Variants in SLC4A4 observed in about 807,000 individuals in gnomAD.
SLC4A4 encodes solute carrier family 4 member 4, also known as electrogenic sodium bicarbonate cotransporter 1.
Under a neutral mutation model 111.5 loss-of-function variants are expected in SLC4A4, and 27 were observed. The ratio of observed to expected loss-of-function variants is 0.24; its 90% CI spans 0.18 to 0.33. The LOEUF is 0.33. Among genes scored for constraint, SLC4A4 ranks in the 10% least tolerant of loss-of-function variants. SLC4A4 has a pLI of 1.00. For missense variants in SLC4A4, 909 were observed against 1,315.5 expected (o/e 0.69, Z 4.78); for synonymous variants, 443 against 463.4 (o/e 0.96, Z 0.57).
At position 71,114,075 on chromosome 4, in the gene SLC4A4, G is replaced by A. The variant is rs190197135; in HGVS notation, c.-2+21283G>A. 6.9e-3 allele frequency among the ~76,000 whole-genome samples: 1,056 copies of A among 152,130 alleles called. 5 individuals are homozygous for A. The highest frequency in any genetic ancestry group is 0.024 in the Middle Eastern group (7 of 294). ...ATTCTGGCTAACACGGTGAAACCCC[G>A]TCTCTAGTAAACATACAAAAAATTA... On this transcript the variant is annotated intron_variant, in intron 2 of 26. Transcript: ENST00000649996.
At chr4:71,079,125 AAC>A (rs1264234656) in intron 1 of SLC4A4, among the ~76,000 whole-genome samples, 3 of 152,066 alleles carry the variant, frequency 2.0e-5, no homozygotes, top group African/African-American at 7.2e-5. Context: ...AGCCTTGTAT[AAC>A]AGTTTAACAT....
chr4:71,363,177 A>T (rs1730951978), intron 6 of SLC4A4, among the ~76,000 whole-genome samples: 1 of 152,206 alleles, frequency 6.6e-6, no homozygotes, highest in Non-Finnish European at 1.5e-5. Context: ...CTACAGTAAC[A>T]GATAGGTGGT....
intron 1 of SLC4A4, among the ~76,000 whole-genome samples, chr4:71,089,215 C>T (rs1414338638): frequency 6.6e-6 from 1 of 152,054 alleles, no homozygotes; most frequent in Non-Finnish European, 1.5e-5. Flanking sequence ...GTGCATTCGT[C>T]ACATAGTTTT....
rs551861700 is a variant in SLC4A4, at chr4:71,135,231, A to C, written c.-2+42439A>C. On this transcript the variant is annotated intron_variant, in intron 2 of 26. Transcript: ENST00000649996. ...TGAACTGTATATAGTGGAATGGCTAAATTGAGCTAATTAACATATGTATTA... is the reference window on the plus strand; with the variant it reads ...TGAACTGTATATAGTGGAATGGCTACATTGAGCTAATTAACATATGTATTA... 1.3e-3 allele frequency among the ~76,000 whole-genome samples: 199 copies of C among 152,242 alleles called. 1 individual carries two copies. The highest frequency in any genetic ancestry group is 4.7e-3 in the African/African-American group (194 of 41,540).
At chr4:71,468,470 T>C (rs935043630) in intron 13 of SLC4A4, among the ~76,000 whole-genome samples, 7 of 152,042 alleles carry the variant, frequency 4.6e-5, no homozygotes, top group African/African-American at 1.7e-4. Context: ...CTCCCTTTTT[T>C]TTCTATCATA....
In SLC4A4 at chr4:71,151,709, G is replaced by A. The variant is rs968242999; in HGVS notation, c.-2+58917G>A. ...TGAGGCGGGAGGATCACTTGACCCC[G>A]GGAGTTCAAGGCTAGCTTGGGCAAC... is the stretch of plus-strand genomic sequence containing the variant. On this transcript the variant is annotated intron_variant, in intron 2 of 26. Transcript: ENST00000649996. 6.0e-5 allele frequency among the ~76,000 whole-genome samples: 9 copies of A among 150,820 alleles called. 1 individual carries two copies. The East Asian group carries it at 7.8e-4, about 13-fold the overall frequency.
chr4:71,466,892 C>G (rs1439996847), intron 13 of SLC4A4, among the ~76,000 whole-genome samples: 1 of 147,338 alleles, frequency 6.8e-6, no homozygotes, highest in Non-Finnish European at 1.5e-5. Context: ...TTCTGGCTTC[C>G]TCTTGGGTTT....
chr4:71,452,575 A>T (rs967743023), intron 11 of SLC4A4, among the ~76,000 whole-genome samples: 5 of 152,142 alleles, frequency 3.3e-5, no homozygotes, highest in African/African-American at 1.2e-4. Flanking sequence ...GGAAATATGA[A>T]CTGTAAGTGC....
intron 1 of SLC4A4, among the ~76,000 whole-genome samples, chr4:71,075,698 G>A (rs1741792537): frequency 6.6e-6 from 1 of 152,016 alleles, no homozygotes; most frequent in African/African-American, 2.4e-5. Context: ...GGCCGGGCGC[G>A]GTGGCTCACG....
intron 2 of SLC4A4, among the ~76,000 whole-genome samples, chr4:71,164,327 G>A (rs2148978856): frequency 6.6e-6 from 1 of 150,730 alleles, no homozygotes; most frequent in East Asian, 2.0e-4. Flanking sequence ...GTTGTAGGGA[G>A]CCGAGATCGT....
rs997125636 is a variant in SLC4A4, at chr4:71,426,638, A to C, written c.808-13978A>C. ...CTATTTCAAAACTGTCCCAGTGATA[A>C]ATTTTCACAAGGCTGTCTTTGATGG... On this transcript the variant is annotated intron_variant, in intron 7 of 25. Coordinates refer to ENST00000264485, the MANE Select transcript of SLC4A4 (RefSeq NM_001098484.3). Among the ~76,000 whole-genome samples, 4 of 152,120 alleles carry C rather than the reference A, an allele frequency of 2.6e-5. No individual in the cohort carries two copies. The East Asian group carries it at 5.8e-4, about 22-fold the overall frequency.
chr4:71,167,507 A>G (rs945738142), intron 2 of SLC4A4, among the ~76,000 whole-genome samples: 3 of 152,156 alleles, frequency 2.0e-5, no homozygotes, highest in African/African-American at 7.2e-5. Flanking sequence ...GTGGAAGTGG[A>G]GATGTTAGGG....
At chr4:71,205,244 C>A (rs1717678462) in intron 1 of SLC4A4, among the ~76,000 whole-genome samples, 1 of 152,160 alleles carries the variant, frequency 6.6e-6, no homozygotes, top group Non-Finnish European at 1.5e-5. Context: ...AGAGCCAGGA[C>A]CTTACTTTGA....
intron 3 of SLC4A4, among the ~76,000 whole-genome samples, chr4:71,296,850 G>A (rs949629002): frequency 1.3e-5 from 2 of 152,082 alleles, no homozygotes; most frequent in African/African-American, 4.8e-5. Context: ...TGTTGGCTAG[G>A]TGATAGAAAA....
intron 2 of SLC4A4, among the ~76,000 whole-genome samples, chr4:71,120,259 C>T (rs1437635348): frequency 6.6e-6 from 1 of 152,176 alleles, no homozygotes; most frequent in Non-Finnish European, 1.5e-5. Flanking sequence ...TTCTGTCAGG[C>T]AGCAGCAAGT....
chr4:71,395,907 T>A (rs1050379343), intron 6 of SLC4A4, among the ~76,000 whole-genome samples: 5 of 152,250 alleles, frequency 3.3e-5, no homozygotes, highest in South Asian at 2.1e-4. Context: ...TAGGATTGTA[T>A]AATTCAGATT....
chr4:71,161,965 T>C (rs976351977), intron 2 of SLC4A4, among the ~76,000 whole-genome samples: 2 of 152,180 alleles, frequency 1.3e-5, no homozygotes, highest in African/African-American at 2.4e-5. Flanking sequence ...ACTAATTGGG[T>C]ATAGAATTAC....
chr4:71,068,766 T>G (rs980820267), intron 1 of SLC4A4, among the ~76,000 whole-genome samples: 2 of 151,690 alleles, frequency 1.3e-5, no homozygotes, highest in Non-Finnish European at 1.5e-5. Flanking sequence ...GGGATCTCAC[T>G]ACGTTGCCCA....
intron 18 of SLC4A4, among the ~76,000 whole-genome samples, chr4:71,536,485 T>TATATATATATATATATATATATAAAA (rs760037325): frequency 3.6e-5 from 3 of 84,028 alleles, no homozygotes; most frequent in African/African-American, 1.0e-4. Context: ...TATATATATA[T>TATATATATATATATATATATATAAAA]ATGTATATAT....
Sources: gnomAD v4.1 joint callset for allele counts (sites outside exome capture counted in the v4.1 genomes callset) on GRCh38, gnomAD v4.1.1 for gene constraint, MANE v1.5 for transcripts, NCBI Gene and HGNC (gene_info 2026-07-23, HGNC 2026-07-21) for gene names.